TASOR2: variants seen among roughly 807,000 people sequenced by gnomAD.
The protein encoded by TASOR2 is transcription activation suppressor family member 2.
Under a neutral mutation model 199.5 loss-of-function variants are expected in TASOR2, and 84 were observed. That is an observed-to-expected ratio of 0.42 (90% CI 0.35 to 0.50). TASOR2 has a LOEUF of 0.50. Among genes scored for constraint, TASOR2 ranks in the 20% least tolerant of loss-of-function variants. TASOR2 has a pLI of 0.02. For missense variants in TASOR2, 2,796 were observed against 2,835.9 expected, an observed-to-expected ratio of 0.99 and a Z score of 0.32; for synonymous variants, 1,103 against 1,046.6, an observed-to-expected ratio of 1.05 and a Z score of -1.04.
At position 5,689,847 on chromosome 10, in the gene TASOR2, G is replaced by A. The variant is rs1052087916; in HGVS notation, c.-288+4672G>A. On this transcript the variant is annotated intron_variant, in intron 1 of 20. Coordinates refer to ENST00000328090, the Ensembl canonical transcript of TASOR2. The surrounding 1 kb of genome is among the most constrained non-coding windows in gnomAD (Gnocchi z 4.1). Reference sequence around the variant, plus strand: ...AACAGACATACATTGCCAAACTTGTGGATTTTTGATAATTTTTGATAAGTT... The same window carrying A: ...AACAGACATACATTGCCAAACTTGTAGATTTTTGATAATTTTTGATAAGTT... 6.6e-6 allele frequency among the ~76,000 whole-genome samples: 1 copy of A among 152,012 alleles called. No individual in the cohort carries two copies. Among genetic ancestry groups the A allele is most frequent in the African/African-American group, 2.4e-5 (1 of 41,386 alleles).
Position 5,719,495 on chromosome 10 carries a change from A to G in TASOR2, c.-99-1049A>G, listed in dbSNP as rs1833088290. 1.3e-5 allele frequency among the ~76,000 whole-genome samples: 2 copies of G among 152,074 alleles called. No individual in the cohort carries two copies. The highest frequency in any genetic ancestry group is 4.1e-4 in the South Asian group (2 of 4,820). The stretch of plus-strand genomic sequence containing the variant: ...GTGGCTGGGACTACAGGCGCGCGCT[A>G]CCACACCCAGCTAATTTTTTTGTAT... On this transcript the variant is annotated intron_variant, in intron 3 of 20. Coordinates refer to ENST00000328090, the Ensembl canonical transcript of TASOR2. The surrounding 1 kb of genome is among the most constrained non-coding windows in gnomAD (Gnocchi z 4.1).
intron 13 of TASOR2, among the ~76,000 whole-genome samples, chr10:5,741,215 CA>C (rs1181365213): frequency 6.6e-6 from 1 of 152,228 alleles, no homozygotes; most frequent in Non-Finnish European, 1.5e-5. Context: ...TGGTGGATGA[CA>C]GTCTGTGGCC....
chr10:5,712,897 T>C (rs1344540711), exon 2 of TASOR2: 1 of 1,230,818 alleles, frequency 8.1e-7, no homozygotes, highest in African/African-American at 1.6e-5. Flanking sequence ...ACGGGTTTCT[T>C]CTGTTTGATA....
chr10:5,742,195 G>C lies in TASOR2; in HGVS notation c.2426G>C (p.Arg809Pro), dbSNP rs767336008. 1 of 1,614,070 alleles carries C rather than the reference G, an allele frequency of 6.2e-7. No homozygotes were observed. The highest frequency in any genetic ancestry group is 8.5e-7 in the Non-Finnish European group (1 of 1,180,008). The change falls in exon 14 of 21, where the codon CGA becomes CCA. Residue 809 changes from arginine to proline, a missense_variant. Around this residue, in one of 3 missense-constraint regions of TASOR2, gnomAD observed 1,941 missense variants for 1,924.9 expected, o/e 1.01. Coordinates refer to ENST00000328090, the Ensembl canonical transcript of TASOR2. The surrounding 1 kb of genome is among the most constrained non-coding windows in gnomAD (Gnocchi z 4.2). ...TACAGCAATCAGAACAAAATCATAC[G>C]ATCTTCCCGAAAGGTTGTAGAACAC...
At chr10:5,746,752 C>T in exon 15 of TASOR2, 5 of 1,614,108 alleles carry the variant, frequency 3.1e-6, no homozygotes, top group Non-Finnish European at 4.2e-6. Flanking sequence ...GAGGGACATT[C>T]CCTCTCTAGT....
chr10:5,733,867 G>C (rs186537937), intron 11 of TASOR2, among the ~76,000 whole-genome samples: 154 of 151,974 alleles, frequency 1.0e-3, no homozygotes, highest in Non-Finnish European at 1.8e-3. Context: ...AAAAAAATAC[G>C]CTGCTTTAGT....
chr10:5,725,109 A>G lies in TASOR2; in HGVS notation c.351+576A>G, dbSNP rs370013833. 8.5e-5 allele frequency among the ~76,000 whole-genome samples: 13 copies of G among 152,256 alleles called. No homozygotes were observed. In the East Asian group the frequency reaches 2.5e-3, roughly 29 times the overall value. ...CAGCATAGATACACTGGACAAAGGG[A>G]TGATTCACGGCCAGGCGTGGTGGTT... On this transcript the variant is annotated intron_variant, in intron 8 of 20. Coordinates refer to ENST00000328090, the Ensembl canonical transcript of TASOR2.
At chr10:5,757,458 A>G in intron 16 of TASOR2, 62 bp from the exon 18 acceptor site, 2 of 1,480,786 alleles carry the variant, frequency 1.4e-6, no homozygotes, top group Admixed American at 4.5e-5. Flanking sequence ...AAAGCAAGGG[A>G]GTGTCTAAGA....
At position 5,752,497 on chromosome 10, in the gene TASOR2, T is replaced by C. The variant is rs2131638965; in HGVS notation, c.6606+2470T>C. On this transcript the variant is annotated intron_variant, in intron 15 of 20. Transcript: ENST00000328090. This position sits in a 1 kb window ranked among gnomAD's most constrained non-coding sequence, Gnocchi z 4.4. ...GCTCCACATGCCCACTGGGTCTGTCTCAGACTTCACTTACATCACTTCTGC... is the reference window on the plus strand; with the variant it reads ...GCTCCACATGCCCACTGGGTCTGTCCCAGACTTCACTTACATCACTTCTGC... 6.6e-6 allele frequency among the ~76,000 whole-genome samples: 1 copy of C among 152,334 alleles called. No individual in the cohort carries two copies.
In TASOR2 at chr10:5,748,951, G is replaced by C. The variant is rs1395637098; in HGVS notation, c.5530G>C (p.Asp1844His). 1.2e-6 allele frequency: 2 copies of C among 1,613,976 alleles called. No homozygotes were observed. Among genetic ancestry groups the C allele is most frequent in the South Asian group, 2.2e-5 (2 of 91,078 alleles). Residue 1844 changes from aspartate to histidine, a missense_variant, in exon 15 of 21, where the codon GAT becomes CAT. Asp to His is a moderately conservative substitution (Grantham distance 81). Coordinates refer to ENST00000328090, the Ensembl canonical transcript of TASOR2. The surrounding 1 kb of genome is among the most constrained non-coding windows in gnomAD (Gnocchi z 5.1). ...TGGTGATTGTAGAAATCCCAGACTG[G>C]ATTTGGAGGATTCTTATACTTTAAG...
chr10:5,763,069 TA>T, exon 21 of TASOR2: 22 of 1,605,420 alleles, frequency 1.4e-5, no homozygotes, highest in Non-Finnish European at 1.9e-5. Context: ...ATGATGCCAA[TA>T]AAAAATTAGT....
At chr10:5,704,409 A>G (rs1257508528) in intron 1 of TASOR2, among the ~76,000 whole-genome samples, 2 of 151,998 alleles carry the variant, frequency 1.3e-5, no homozygotes, top group African/African-American at 4.8e-5. Flanking sequence ...TTTCTCTATG[A>G]TTTCAATTTT....
exon 3 of TASOR2, chr10:5,717,734 T>C: frequency 8.3e-7 from 1 of 1,205,440 alleles, no homozygotes; most frequent in African/African-American, 1.6e-5. Context: ...TATGTTGTAA[T>C]TTTTAATATA....
intron 14 of TASOR2, among the ~76,000 whole-genome samples, chr10:5,744,987 A>G (rs1836977826): frequency 6.6e-6 from 1 of 152,216 alleles, no homozygotes. Flanking sequence ...TCCAACATGT[A>G]TGCTTCAAGA....
At position 5,748,449 on chromosome 10, in the gene TASOR2, A is replaced by G. The variant is rs1386574552; in HGVS notation, c.5028A>G (p.Ala1676=). The stretch of plus-strand genomic sequence containing the variant: ...CCCATTATGTAAGACCAATAAATGC[A>G]GAGCCAGTGTTTCAAGCACAGGAAA... Residue 1676 remains alanine (A), a synonymous_variant, in exon 15 of 21, where the codon GCA becomes GCG. Coordinates refer to ENST00000328090, the Ensembl canonical transcript of TASOR2. This position sits in a 1 kb window ranked among gnomAD's most constrained non-coding sequence, Gnocchi z 5.1. 3 of 1,614,122 alleles carry G rather than the reference A, an allele frequency of 1.9e-6. No homozygotes were observed. Among genetic ancestry groups the G allele is most frequent in the Non-Finnish European group, 2.5e-6 (3 of 1,180,054 alleles).
At chr10:5,739,099 A>G (rs942898648) in intron 12 of TASOR2, among the ~76,000 whole-genome samples, 2 of 152,252 alleles carry the variant, frequency 1.3e-5, no homozygotes, top group South Asian at 2.1e-4. Flanking sequence ...AATCATTTGA[A>G]CTTAGGTAGT....
At chr10:5,723,848 C>T in intron 7 of TASOR2, 71 bp downstream of exon 8, 3 of 942,948 alleles carry the variant, frequency 3.2e-6, no homozygotes, top group Non-Finnish European at 4.8e-6. Flanking sequence ...CTCTTCCAAA[C>T]ACTCACACAT....
chr10:5,686,321 A>C (rs1273572780), intron 1 of TASOR2, among the ~76,000 whole-genome samples: 1 of 152,226 alleles, frequency 6.6e-6, no homozygotes, highest in African/African-American at 2.4e-5. Flanking sequence ...AATGGGTTAA[A>C]ATCGGTGAAG....
At chr10:5,712,404 A>C in intron 1 of TASOR2, 5 of 1,231,604 alleles carry the variant, frequency 4.1e-6, no homozygotes, top group Non-Finnish European at 4.1e-6. Flanking sequence ...TTTTTGAGAC[A>C]GTGTCCTTGA....
Sources: allele counts gnomAD v4.1 joint callset (sites outside exome capture counted in the v4.1 genomes callset), GRCh38; gene constraint gnomAD v4.1.1; regional missense constraint gnomAD v4.1.1; non-coding constraint Gnocchi (gnomAD v3.1); transcripts MANE v1.5; gene names NCBI Gene and HGNC (gene_info 2026-07-23, HGNC 2026-07-21).